Variants in ACTN2 observed in about 807,000 individuals in gnomAD.
ACTN2 encodes alpha-actinin-2.
ACTN2 carries 39 observed loss-of-function variants against 113.8 expected under a neutral mutation model. That is an observed-to-expected ratio of 0.34 (90% CI 0.27 to 0.45). The LOEUF is 0.45. Ranked by LOEUF, ACTN2 falls within the 20% of genes least tolerant of loss-of-function variation. ACTN2 has a pLI of 1.00. For missense variants in ACTN2, 992 were observed against 1,177.9 expected, an observed-to-expected ratio of 0.84 and a Z score of 2.31; for synonymous variants, 429 against 444.1, an observed-to-expected ratio of 0.97 and a Z score of 0.43.
At chr1:236,758,582 C>T (rs982499604) in intron 18 of ACTN2, among the ~76,000 whole-genome samples, 2 of 147,168 alleles carry the variant, frequency 1.4e-5, no homozygotes, top group Non-Finnish European at 3.0e-5. Flanking sequence ...AGCCACCGCA[C>T]CTGGCCTTTT....
Position 236,686,759 on chromosome 1 carries a change from A to G in ACTN2, c.86A>G (p.Asp29Gly), listed in dbSNP as rs1193949299. 1 of 1,549,178 alleles carries G rather than the reference A, an allele frequency of 6.5e-7. No homozygotes were observed. The highest frequency in any genetic ancestry group is 1.9e-5 in the Admixed American group (1 of 53,526). Residue 29 changes from aspartate to glycine, a missense_variant, in exon 1 of 21, where the codon GAC becomes GGC. This residue lies in a region of ACTN2 where 220 missense variants were observed against 337.5 expected (regional missense o/e 0.65). Transcript: ENST00000366578. ...YMIQEEEWDR[D>G]LLLDPAWEKQ... is the part of the protein sequence containing the mutation. ...ATCCAGGAGGAGGAGTGGGACCGCG[A>G]CCTGCTCCTGGACCCAGCCTGGGAG...
chr1:236,725,847 T>G, intron 4 of ACTN2, 86 bp from the exon 5 acceptor site: 1 of 1,212,866 alleles, frequency 8.2e-7, no homozygotes, highest in Non-Finnish European at 1.2e-6. Context: ...ATCGACCCCC[T>G]GGGAGGTCTG....
At chr1:236,719,059 G>A (rs780383236) in intron 3 of ACTN2, 46 bp downstream of exon 3, 26 of 1,611,060 alleles carry the variant, frequency 1.6e-5, no homozygotes, top group Non-Finnish European at 2.2e-5. Flanking sequence ...TGACCTAATA[G>A]CGTAGGTGTG....
chr1:236,715,325 CACTTGA>C (rs1199005382), intron 1 of ACTN2, among the ~76,000 whole-genome samples: 44 of 117,186 alleles, frequency 3.8e-4, no homozygotes, highest in Admixed American at 6.7e-4. Context: ...ACCCTGTTAC[CACTTGA>C]AGTTTTATAC....
intron 8 of ACTN2, 91 bp from the exon 9 acceptor site, chr1:236,737,031 C>A: frequency 2.8e-6 from 3 of 1,073,766 alleles, no homozygotes; most frequent in Non-Finnish European, 4.2e-6. Flanking sequence ...ACGCCACCCT[C>A]CTCGTCCCCT....
Position 236,735,622 on chromosome 1 carries a change from T to C in ACTN2, c.698-13T>C, listed in dbSNP as rs764808501. ...TGTGTGCGCGCGTCCTGTGTTATTT[T>C]CTCCCCCTTCAGACATCGTGAACAC... On this transcript the variant is annotated splice_polypyrimidine_tract_variant and intron_variant, in intron 7 of 20. Coordinates refer to ENST00000366578, the MANE Select transcript of ACTN2 (RefSeq NM_001103.4). 2 of 1,612,488 alleles carry C rather than the reference T, an allele frequency of 1.2e-6. No individual in the cohort carries two copies. Among genetic ancestry groups the C allele is most frequent in the East Asian group, 4.5e-5 (2 of 44,868 alleles).
Position 236,747,700 on chromosome 1 carries a change from T to C in ACTN2, c.1440T>C (p.Asn480=). The C allele has an allele frequency of 1.2e-6, 2 of 1,614,212 alleles. No homozygotes were observed. The highest frequency in any genetic ancestry group is 1.7e-6 in the Non-Finnish European group (2 of 1,180,028). ...ACTATCACGACGCTGTGAATGTCAATGATCGGTGCCAGAAAATTTGTGACC... is the reference window on the plus strand; with the variant it reads ...ACTATCACGACGCTGTGAATGTCAACGATCGGTGCCAGAAAATTTGTGACC... The part of the protein sequence containing the change: ...ELDYHDAVNV[N]DRCQKICDQW... The change falls in exon 13 of 21, where the codon AAT becomes AAC. Residue 480 remains asparagine (N), a synonymous_variant. Coordinates refer to ENST00000366578, the MANE Select transcript of ACTN2 (RefSeq NM_001103.4).
intron 7 of ACTN2, among the ~76,000 whole-genome samples, chr1:236,732,253 G>A (rs1658730669): frequency 6.6e-6 from 1 of 152,062 alleles, no homozygotes; most frequent in Non-Finnish European, 1.5e-5. Flanking sequence ...TGGAGGCTGT[G>A]TCTGAAATCA....
chr1:236,751,622 C>A lies in ACTN2; in HGVS notation c.1809C>A (p.Thr603=). ...ISSSNPYSTV[T]MDELRTKWDK... ...CAAGCAACCCGTACAGCACTGTCACCATGGATGAGCTCCGGACCAAGTGGG... is the reference window on the plus strand; with the variant it reads ...CAAGCAACCCGTACAGCACTGTCACAATGGATGAGCTCCGGACCAAGTGGG... Residue 603 remains threonine (T), a synonymous_variant, in exon 15 of 21, where the codon ACC becomes ACA. Coordinates refer to ENST00000366578, the MANE Select transcript of ACTN2 (RefSeq NM_001103.4). 6.2e-7 allele frequency: 1 copy of A among 1,613,974 alleles called. No homozygotes were observed. Among genetic ancestry groups the A allele is most frequent in the Non-Finnish European group, 8.5e-7 (1 of 1,179,888 alleles).
intron 1 of ACTN2, among the ~76,000 whole-genome samples, chr1:236,699,630 G>A (rs1657616405): frequency 6.6e-6 from 1 of 152,138 alleles, no homozygotes; most frequent in African/African-American, 2.4e-5. Flanking sequence ...TCCTCCTACG[G>A]GTGCCGTGTC....
At chr1:236,744,247 G>T (rs183837139) in intron 11 of ACTN2, among the ~76,000 whole-genome samples, 3 of 152,176 alleles carry the variant, frequency 2.0e-5, no homozygotes, top group Non-Finnish European at 4.4e-5. Flanking sequence ...ATGGAGCACC[G>T]GGGTTTTATC....
intron 1 of ACTN2, among the ~76,000 whole-genome samples, chr1:236,697,686 G>A (rs1657553424): frequency 6.6e-6 from 1 of 151,968 alleles, no homozygotes; most frequent in African/African-American, 2.4e-5. Context: ...CATTGAAGTT[G>A]GTTTAGTTAC....
intron 4 of ACTN2, among the ~76,000 whole-genome samples, chr1:236,722,772 A>G (rs1359718735): frequency 6.6e-6 from 1 of 152,162 alleles, no homozygotes; most frequent in African/African-American, 2.4e-5. Flanking sequence ...GTTACTGCCA[A>G]TCTGTAACAT....
intron 9 of ACTN2, among the ~76,000 whole-genome samples, chr1:236,737,967 C>G (rs1658942009): frequency 6.6e-6 from 1 of 152,228 alleles, no homozygotes; most frequent in South Asian, 2.1e-4. Flanking sequence ...ACACATACTT[C>G]AGACCAAATA....
At chr1:236,735,820 T>C (rs1658856032) in intron 8 of ACTN2, 100 bp downstream of exon 8, 5 of 1,086,034 alleles carry the variant, frequency 4.6e-6, no homozygotes, top group Non-Finnish European at 5.6e-6. Context: ...ACATCTTACC[T>C]TGGAATCTTT....
intron 14 of ACTN2, 148 bp downstream of exon 14, chr1:236,749,412 A>T (rs764642537): frequency 1.8e-4 from 182 of 1,020,306 alleles, no homozygotes; most frequent in Non-Finnish European, 2.6e-4. Flanking sequence ...CTTGAACCTT[A>T]GCTTAAAAAT....
intron 13 of ACTN2, chr1:236,747,991 A>C (rs1659287722): frequency 1.9e-6 from 1 of 522,120 alleles, no homozygotes; most frequent in East Asian, 3.5e-5. Flanking sequence ...TATATTTTTC[A>C]ATTTTAAAAA....
At chr1:236,722,464 G>A (rs551962670) in intron 4 of ACTN2, among the ~76,000 whole-genome samples, 24 of 151,844 alleles carry the variant, frequency 1.6e-4, no homozygotes, top group African/African-American at 5.1e-4. Flanking sequence ...GTGAAATCCC[G>A]TCTCTACTAA....
At chr1:236,695,697 G>T (rs1251196353) in intron 1 of ACTN2, among the ~76,000 whole-genome samples, 2 of 151,934 alleles carry the variant, frequency 1.3e-5, no homozygotes. Context: ...TGAAGATGCA[G>T]TGTGCTTCAC....
Sources: allele counts gnomAD v4.1 joint callset (sites outside exome capture counted in the v4.1 genomes callset), GRCh38; gene constraint gnomAD v4.1.1; regional missense constraint gnomAD v4.1.1; transcripts MANE v1.5; gene names NCBI Gene and HGNC (gene_info 2026-07-23, HGNC 2026-07-21).